Variants in SLC30A8 observed in about 807,000 individuals in gnomAD.
SLC30A8 encodes the protein proton-coupled zinc antiporter SLC30A8.
Under a neutral mutation model 36.9 loss-of-function variants are expected in SLC30A8, and 27 were observed. That is an observed-to-expected ratio of 0.73 (90% CI 0.54 to 1.01). The LOEUF (loss-of-function observed/expected upper bound fraction) is 1.01. Among genes scored for constraint, SLC30A8 ranks in the 50% least tolerant of loss-of-function variants. SLC30A8 has a pLI of 0.00. For missense variants in SLC30A8, 439 were observed against 452.0 expected (o/e 0.97, Z 0.26); for synonymous variants, 164 against 172.4 (o/e 0.95, Z 0.38).
intron 1 of SLC30A8, among the ~76,000 whole-genome samples, chr8:117,023,585 G>A (rs562527632): frequency 6.6e-6 from 1 of 152,148 alleles, no homozygotes; most frequent in Admixed American, 6.5e-5. Flanking sequence ...CATGGATGAA[G>A]CTGGAAACCA....
At chr8:117,022,798 A>G (rs1012226577) in intron 1 of SLC30A8, among the ~76,000 whole-genome samples, 1 of 152,242 alleles carries the variant, frequency 6.6e-6, no homozygotes, top group Non-Finnish European at 1.5e-5. Context: ...AGGCAATACC[A>G]TTCAGGACAT....
At chr8:116,960,053 G>A (rs571305790) in intron 1 of SLC30A8, among the ~76,000 whole-genome samples, 2 of 152,216 alleles carry the variant, frequency 1.3e-5, no homozygotes, top group Admixed American at 6.5e-5. Flanking sequence ...CAGTCATCTG[G>A]GTCACTTGTA....
In SLC30A8 at chr8:117,004,998, A is replaced by C. The variant is rs1349700588; in HGVS notation, c.-265-34221A>C. 2.0e-5 allele frequency among the ~76,000 whole-genome samples: 3 copies of C among 152,230 alleles called. No homozygotes were observed. In the East Asian group the frequency reaches 5.8e-4, roughly 29 times the overall value. On this transcript the variant is annotated intron_variant, in intron 1 of 10. Coordinates refer to the SLC30A8 transcript ENST00000427715. ...ACCTTTAAAAAAAACAGCTTTATTAATATATAACTCACATATCACCCAATT... is the reference window on the plus strand; with the variant it reads ...ACCTTTAAAAAAAACAGCTTTATTACTATATAACTCACATATCACCCAATT...
At chr8:117,005,040 G>A (rs984475404) in intron 1 of SLC30A8, among the ~76,000 whole-genome samples, 11 of 151,974 alleles carry the variant, frequency 7.2e-5, no homozygotes, top group Admixed American at 1.3e-4. Flanking sequence ...TTTAAAATGG[G>A]CAATTCAGTG....
intron 2 of SLC30A8, among the ~76,000 whole-genome samples, chr8:117,151,908 G>T (rs867041277): frequency 5.9e-5 from 9 of 152,320 alleles, no homozygotes; most frequent in Admixed American, 1.3e-4. Flanking sequence ...TCAGTAACAA[G>T]CTTGAAGATT....
At chr8:117,011,228 G>T (rs1422166231) in intron 1 of SLC30A8, among the ~76,000 whole-genome samples, 2 of 152,170 alleles carry the variant, frequency 1.3e-5, no homozygotes, top group Non-Finnish European at 2.9e-5. Flanking sequence ...CCTGAAACCA[G>T]ATCCTCCCCT....
At chr8:117,102,252 G>A (rs1819756616) in intron 2 of SLC30A8, among the ~76,000 whole-genome samples, 1 of 151,986 alleles carries the variant, frequency 6.6e-6, no homozygotes, top group African/African-American at 2.4e-5. Flanking sequence ...GGTATGAAGT[G>A]GTTCTCTGCT....
intron 3 of SLC30A8, among the ~76,000 whole-genome samples, chr8:117,153,817 A>C (rs1351959682): frequency 6.6e-6 from 1 of 151,984 alleles, no homozygotes; most frequent in South Asian, 2.1e-4. Flanking sequence ...GTGCTGAAAC[A>C]TGTGCCTGAG....
intron 1 of SLC30A8, among the ~76,000 whole-genome samples, chr8:117,023,687 C>T (rs2130727943): frequency 7.5e-6 from 1 of 132,542 alleles, no homozygotes. Context: ...CTCATGGACA[C>T]AGGAAGGGGA....
chr8:117,000,006 G>A (rs1563741561), intron 1 of SLC30A8, among the ~76,000 whole-genome samples: 1 of 152,182 alleles, frequency 6.6e-6, no homozygotes. Context: ...GTCTTTGGGA[G>A]ATCCTTAGTG....
intron 2 of SLC30A8, among the ~76,000 whole-genome samples, chr8:117,087,261 T>C (rs1383414346): frequency 1.3e-5 from 2 of 152,180 alleles, no homozygotes; most frequent in African/African-American, 4.8e-5. Context: ...AACCATTTCA[T>C]AGAGAGCCAG....
chr8:117,088,641 C>T (rs1785559073), intron 2 of SLC30A8, among the ~76,000 whole-genome samples: 1 of 152,190 alleles, frequency 6.6e-6, no homozygotes. Flanking sequence ...GTTTTCCTGT[C>T]TGCTAGCTCC....
rs1563646511 is a variant in SLC30A8 at position 117,175,113 on chromosome 8, C to A, written c.*2432C>A. 1 of 151,810 alleles carries A rather than the reference C, an allele frequency of 6.6e-6. No individual in the cohort carries two copies. The highest frequency in any genetic ancestry group is 1.5e-5 in the Non-Finnish European group (1 of 67,914). The allele number at this position is 151,810 out of a possible 1,614,324, so 9.4% of individuals were successfully genotyped here. On this transcript the variant is annotated 3_prime_UTR_variant, in exon 8 of 8. Transcript: ENST00000456015. The stretch of plus-strand genomic sequence containing the variant: ...TCAAAACATTAATGATCTTTTATGT[C>A]TTTTTTTTGTTATTGTTATACTTTA...
intron 7 of SLC30A8, among the ~76,000 whole-genome samples, chr8:117,172,298 A>G (rs1002431475): frequency 2.0e-5 from 3 of 152,250 alleles, no homozygotes; most frequent in East Asian, 1.9e-4. Flanking sequence ...GCCAGACTCC[A>G]GAGATAACAG....
chr8:117,084,757 C>G (rs1403274140), intron 2 of SLC30A8, among the ~76,000 whole-genome samples: 1 of 152,128 alleles, frequency 6.6e-6, no homozygotes, highest in Non-Finnish European at 1.5e-5. Flanking sequence ...TAAAGACTTA[C>G]AACTAGTTTC....
intron 1 of SLC30A8, among the ~76,000 whole-genome samples, chr8:116,979,749 A>C (rs1384623610): frequency 6.6e-6 from 1 of 152,280 alleles, no homozygotes. Flanking sequence ...GGGCCCCTGA[A>C]ATAAGGCATT....
rs28562533 is a variant in SLC30A8, at chr8:117,112,042, C to T, written c.-225-23238C>T. Among the ~76,000 whole-genome samples, 880 of 152,222 alleles carry T rather than the reference C, an allele frequency of 5.8e-3. 9 individuals are homozygous for T. The highest frequency in any genetic ancestry group is 0.02 in the African/African-American group (826 of 41,510). On this transcript the variant is annotated intron_variant, in intron 2 of 10. Transcript: ENST00000427715. ...AAGCAGCAGCATCTGGGCTATGCGT[C>T]CCTCTGTAAAAAAGAGGATGACATT...
chr8:116,992,965 G>C (rs967003261), intron 1 of SLC30A8, among the ~76,000 whole-genome samples: 1 of 126,426 alleles, frequency 7.9e-6, no homozygotes, highest in Non-Finnish European at 1.9e-5. Flanking sequence ...TGGCCATGTC[G>C]AGTAAAGAAG....
chr8:117,127,742 G>A (rs1820966444), intron 2 of SLC30A8, among the ~76,000 whole-genome samples: 1 of 151,964 alleles, frequency 6.6e-6, no homozygotes, highest in East Asian at 1.9e-4. Context: ...TAATCCCAGG[G>A]GCTAAGATAG....
Sources: gnomAD v4.1 joint callset for allele counts (sites outside exome capture counted in the v4.1 genomes callset) on GRCh38, gnomAD v4.1.1 for gene constraint, MANE v1.5 for transcripts, NCBI Gene and HGNC (gene_info 2026-07-23, HGNC 2026-07-21) for gene names.